The following CLPB variants were observed in gnomAD, a reference collection of about 807,000 sequenced individuals.
The protein encoded by CLPB is mitochondrial disaggregase.
Under a neutral mutation model 78.4 loss-of-function variants are expected in CLPB, and 40 were observed. The ratio of observed to expected loss-of-function variants is 0.51; its 90% CI spans 0.40 to 0.66. The LOEUF (loss-of-function observed/expected upper bound fraction) is 0.66, where lower values mean the gene tolerates loss of function less well. CLPB is among the 30% of genes least tolerant of loss of function. The pLI is 0.00. For missense variants in CLPB, 780 were observed against 886.9 expected, an observed-to-expected ratio of 0.88 and a Z score of 1.53; for synonymous variants, 333 against 348.0, an observed-to-expected ratio of 0.96 and a Z score of 0.48.
At chr11:72,310,675 A>G (rs1209204312) in intron 7 of CLPB, among the ~76,000 whole-genome samples, 1 of 152,216 alleles carries the variant, frequency 6.6e-6, no homozygotes, top group African/African-American at 2.4e-5. Context: ...GGCTAAATTA[A>G]GAGTCTAGGT....
intron 4 of CLPB, among the ~76,000 whole-genome samples, chr11:72,373,895 G>A (rs534792410): frequency 6.7e-6 from 1 of 150,018 alleles, no homozygotes; most frequent in Non-Finnish European, 1.5e-5. Context: ...AGGAGGCAGA[G>A]GTTGCAGTGA....
In CLPB at chr11:72,286,980, A is replaced by G. The variant is rs1368938890; in HGVS notation, c.*6387T>C. The G allele has an allele frequency of 1.3e-5, 2 of 152,220 alleles. No individual in the cohort carries two copies. Among genetic ancestry groups the G allele is most frequent in the East Asian group, 3.8e-4 (2 of 5,200 alleles). 9.4% of individuals were successfully genotyped at this position (152,220 alleles called of 1,614,324 possible). A position where few individuals can be genotyped will look rare whatever the true frequency, so the allele number is the denominator to read the frequency against. ...TTAACAACACTAGCACTCTCTAGAC[A>G]TTTAAATAACATTTAAGTTCTTGAT... is the stretch of plus-strand genomic sequence containing the variant. On this transcript the variant is annotated 3_prime_UTR_variant, in exon 16 of 16. Transcript: ENST00000538039.
chr11:72,305,274 A>T (rs1202028855), intron 9 of CLPB, among the ~76,000 whole-genome samples: 1 of 152,214 alleles, frequency 6.6e-6, no homozygotes, highest in Non-Finnish European at 1.5e-5. Flanking sequence ...AGAATGCTGT[A>T]GGGCCTCAGT....
intron 2 of CLPB, among the ~76,000 whole-genome samples, chr11:72,406,905 CGT>C (rs112611376): frequency 4.0e-5 from 6 of 151,764 alleles, no homozygotes; most frequent in East Asian, 1.9e-4. Flanking sequence ...TGTGTAGGTA[CGT>C]GTGTGTGTGT....
At chr11:72,401,018 T>C (rs1855545430) in intron 3 of CLPB, among the ~76,000 whole-genome samples, 1 of 152,226 alleles carries the variant, frequency 6.6e-6, no homozygotes, top group South Asian at 2.1e-4. Context: ...CTAATGTTCA[T>C]AGAAATAATT....
chr11:72,387,963 C>T (rs73530754), intron 3 of CLPB, among the ~76,000 whole-genome samples: 24,850 of 152,056 alleles, frequency 0.16, 3,466 homozygotes, highest in African/African-American at 0.38. Context: ...AGGCAGCTAG[C>T]GTCACTAACT....
chr11:72,399,026 G>T (rs1178069014), intron 3 of CLPB, among the ~76,000 whole-genome samples: 1 of 151,148 alleles, frequency 6.6e-6, no homozygotes, highest in Non-Finnish European at 1.5e-5. Context: ...TTTTAAATAT[G>T]TTTGCTGAAT....
At chr11:72,357,637 G>T (rs988488321) in intron 5 of CLPB, among the ~76,000 whole-genome samples, 1 of 149,022 alleles carries the variant, frequency 6.7e-6, no homozygotes, top group Non-Finnish European at 1.5e-5. Context: ...CAGAGGTCAC[G>T]GTAAGCCAAG....
At chr11:72,382,394 C>G (rs1476387983) in intron 3 of CLPB, among the ~76,000 whole-genome samples, 1 of 152,246 alleles carries the variant, frequency 6.6e-6, no homozygotes, top group Non-Finnish European at 1.5e-5. Flanking sequence ...GATGCAGGCG[C>G]CAAGTCAATC....
intron 2 of CLPB, among the ~76,000 whole-genome samples, chr11:72,405,917 G>C (rs1247117601): frequency 6.6e-6 from 1 of 150,882 alleles, no homozygotes. Context: ...GACAGAGTGA[G>C]ACTCTGTCTC....
chr11:72,336,954 C>T (rs1280984800), intron 5 of CLPB: 1 of 396,724 alleles, frequency 2.5e-6, no homozygotes, highest in Non-Finnish European at 4.4e-6. Context: ...TCTCCTCCTC[C>T]AGTGATCAGT....
intron 5 of CLPB, among the ~76,000 whole-genome samples, chr11:72,343,113 C>A (rs988336246): frequency 6.6e-6 from 1 of 152,162 alleles, no homozygotes; most frequent in African/African-American, 2.4e-5. Context: ...CACATCTATT[C>A]CCAAAGCCAA....
chr11:72,312,442 G>C lies in CLPB; in HGVS notation c.989-3838C>G, dbSNP rs1046423018. ...TCTACCTGTGCCCTTGTGTCTGGCA[G>C]GGAGGGTGTGCCCCCAATCTGACCA... On this transcript the variant is annotated intron_variant, in intron 7 of 15. Transcript: ENST00000538039. This position sits in a 1 kb window ranked among gnomAD's most constrained non-coding sequence, Gnocchi z 4.2. 2.0e-5 allele frequency among the ~76,000 whole-genome samples: 3 copies of C among 152,198 alleles called. No homozygotes were observed. The highest frequency in any genetic ancestry group is 2.9e-5 in the Non-Finnish European group (2 of 68,028).
At chr11:72,295,990 C>T (rs1949545180) in intron 11 of CLPB, among the ~76,000 whole-genome samples, 1 of 152,140 alleles carries the variant, frequency 6.6e-6, no homozygotes, top group Non-Finnish European at 1.5e-5. Flanking sequence ...TTTTGGAGGC[C>T]CGCTGTGGGC....
intron 5 of CLPB, 45 bp from the exon 6 acceptor site, chr11:72,329,849 T>C (rs761996234): frequency 2.7e-6 from 4 of 1,478,604 alleles, no homozygotes; most frequent in East Asian, 4.6e-5. Context: ...GAACGATCAG[T>C]GGGACCTCAG....
rs1449077942 is a variant in CLPB, at chr11:72,295,356, T to C, written c.1486+136A>G. 5 of 844,272 alleles carry C rather than the reference T, an allele frequency of 5.9e-6. No individual in the cohort carries two copies. In the East Asian group the frequency reaches 8.0e-5, roughly 14 times the overall value. The allele number at this position is 844,272 out of a possible 1,614,324, so 52.3% of individuals were successfully genotyped here. ...CCACTACTTGGTATGGTGTCTGATA[T>C]CTGCTCAGTGTCAGCTAGGGACAGA... is the stretch of plus-strand genomic sequence containing the variant. On this transcript the variant is annotated intron_variant, in intron 12 of 15. Transcript: ENST00000538039.
intron 3 of CLPB, among the ~76,000 whole-genome samples, chr11:72,384,026 T>C (rs1855001568): frequency 6.6e-6 from 1 of 152,158 alleles, no homozygotes; most frequent in Non-Finnish European, 1.5e-5. Context: ...TGGTGTCACA[T>C]GCCAGTAGTC....
rs1304746089 is a variant in CLPB at position 72,434,468 on chromosome 11, C to T, written c.7G>A (p.Gly3Arg). 1 of 1,540,068 alleles carries T rather than the reference C, an allele frequency of 6.5e-7. No individual in the cohort carries two copies. Among genetic ancestry groups the T allele is most frequent in the Non-Finnish European group, 8.8e-7 (1 of 1,140,456 alleles). The change falls in exon 1 of 16, where the codon GGG becomes AGG. Residue 3 changes from glycine to arginine, a missense_variant. Around this residue, in one of 3 missense-constraint regions of CLPB, gnomAD observed 417 missense variants for 414.7 expected, o/e 1.01. Coordinates refer to ENST00000538039, the MANE Select transcript of CLPB (RefSeq NM_001258392.3). Reference protein sequence around the residue: MLGSLVLRRKALA... With the variant: MLRSLVLRRKALA... ...GCTTTTCTCCTCAACACCAGGGACC[C>T]CAGCATCTTGACAGCTGCTTCGATA...
intron 5 of CLPB, among the ~76,000 whole-genome samples, chr11:72,340,103 C>T (rs1950392417): frequency 6.6e-6 from 1 of 152,164 alleles, no homozygotes; most frequent in Non-Finnish European, 1.5e-5. Flanking sequence ...CCATTTCTTA[C>T]CCACCCTATG....
Sources: allele counts gnomAD v4.1 joint callset (sites outside exome capture counted in the v4.1 genomes callset), GRCh38; gene constraint gnomAD v4.1.1; regional missense constraint gnomAD v4.1.1; non-coding constraint Gnocchi (gnomAD v3.1); transcripts MANE v1.5; gene names NCBI Gene and HGNC (gene_info 2026-07-23, HGNC 2026-07-21).